The following CCDC3 variants were observed in gnomAD, a reference collection of about 807,000 sequenced individuals.
CCDC3 encodes coiled-coil domain containing 3.
Under a neutral mutation model 21.4 loss-of-function variants are expected in CCDC3, and 24 were observed. The ratio of observed to expected loss-of-function variants is 1.12; its 90% CI spans 0.81 to 1.58. The LOEUF (loss-of-function observed/expected upper bound fraction) is 1.58. CCDC3 is among the 40% of genes most tolerant of loss of function. The pLI is 0.00. For missense variants in CCDC3, 425 were observed against 360.9 expected (o/e 1.18, Z -1.44); for synonymous variants, 186 against 166.0 (o/e 1.12, Z -0.93).
At chr10:12,948,988 C>T (rs1376737591) in intron 2 of CCDC3, among the ~76,000 whole-genome samples, 2 of 152,038 alleles carry the variant, frequency 1.3e-5, no homozygotes, top group African/African-American at 4.8e-5. Context: ...GCCTCGGCCT[C>T]CCAAAGTGCT....
At chr10:12,917,136 C>T (rs535293025) in intron 2 of CCDC3, among the ~76,000 whole-genome samples, 23 of 148,892 alleles carry the variant, frequency 1.5e-4, no homozygotes, top group South Asian at 1.5e-3. Context: ...CTGTGCTGCC[C>T]GGGGTTGGGG....
intron 4 of CCDC3, among the ~76,000 whole-genome samples, chr10:13,051,452 G>A (rs985091723): frequency 1.3e-5 from 2 of 152,198 alleles, no homozygotes; most frequent in African/African-American, 4.8e-5. Context: ...CATTTCTAAA[G>A]TGTCATTCAC....
chr10:12,935,591 A>G (rs559464897), intron 2 of CCDC3, among the ~76,000 whole-genome samples: 3 of 151,896 alleles, frequency 2.0e-5, no homozygotes, highest in Non-Finnish European at 4.4e-5. Context: ...CTTTCTTAGC[A>G]TATCAATTAT....
intron 5 of CCDC3, among the ~76,000 whole-genome samples, chr10:13,012,221 C>T (rs1311059870): frequency 6.6e-6 from 1 of 152,050 alleles, no homozygotes; most frequent in Non-Finnish European, 1.5e-5. Context: ...AGAGCTTCTG[C>T]AAAGCAAAAG....
intron 5 of CCDC3, among the ~76,000 whole-genome samples, chr10:13,040,707 A>T (rs1003653423): frequency 6.6e-6 from 1 of 151,740 alleles, no homozygotes; most frequent in Non-Finnish European, 1.5e-5. Flanking sequence ...ACACACACAC[A>T]CACACACACA....
intron 2 of CCDC3, among the ~76,000 whole-genome samples, chr10:12,931,355 A>G (rs1367512385): frequency 1.3e-5 from 2 of 152,166 alleles, no homozygotes; most frequent in African/African-American, 4.8e-5. Context: ...GATGGGGTGG[A>G]ATGGGATTCA....
At chr10:12,986,043 C>T (rs112384666) in intron 2 of CCDC3, among the ~76,000 whole-genome samples, 2,320 of 152,192 alleles carry the variant, frequency 0.015, 63 homozygotes, top group African/African-American at 0.053. Flanking sequence ...GCCCAGTTAA[C>T]TTTTTTTGTA....
chr10:13,026,956 C>G (rs991269434), intron 5 of CCDC3, among the ~76,000 whole-genome samples: 7 of 152,156 alleles, frequency 4.6e-5, no homozygotes, highest in African/African-American at 1.7e-4. Context: ...TTTACCAGAT[C>G]TGAAATTTCC....
chr10:13,081,646 G>A (rs1354575740), intron 3 of CCDC3, among the ~76,000 whole-genome samples: 1 of 152,050 alleles, frequency 6.6e-6, no homozygotes, highest in Non-Finnish European at 1.5e-5. Flanking sequence ...CTCACCTCAA[G>A]TTACTACTTT....
intron 2 of CCDC3, among the ~76,000 whole-genome samples, chr10:12,900,242 G>C (rs905395364): frequency 6.6e-6 from 1 of 152,070 alleles, no homozygotes; most frequent in Non-Finnish European, 1.5e-5. Context: ...AATAAGGCTG[G>C]CATTTCCTTT....
chr10:13,013,422 A>G (rs2131400012), intron 5 of CCDC3, among the ~76,000 whole-genome samples: 1 of 152,388 alleles, frequency 6.6e-6, no homozygotes, highest in South Asian at 2.1e-4. Flanking sequence ...GTTTAAATTA[A>G]TAATGAATTA....
At chr10:13,081,800 C>A (rs1467945768) in intron 3 of CCDC3, among the ~76,000 whole-genome samples, 1 of 152,204 alleles carries the variant, frequency 6.6e-6, no homozygotes, top group Non-Finnish European at 1.5e-5. Context: ...ATTAAATATT[C>A]CATCTGCACT....
chr10:12,975,943 T>C (rs901809399), intron 2 of CCDC3, among the ~76,000 whole-genome samples: 1 of 152,220 alleles, frequency 6.6e-6, no homozygotes, highest in African/African-American at 2.4e-5. Flanking sequence ...CACACTCTTC[T>C]ACACTGCATT....
rs1588404343 is a variant in CCDC3, at chr10:13,046,490, G to A, written c.-2+3184C>T. 2.0e-5 allele frequency among the ~76,000 whole-genome samples: 3 copies of A among 151,832 alleles called. No individual in the cohort carries two copies. The South Asian group carries it at 6.2e-4, about 32-fold the overall frequency. ...GGGAGGCCGAGGTGGATCACCTGAT[G>A]TCAGGAGTTCAAGACCAGCCTGGCC... On this transcript the variant is annotated intron_variant, in intron 5 of 6. Coordinates refer to the CCDC3 transcript ENST00000378839.
intron 5 of CCDC3, among the ~76,000 whole-genome samples, chr10:13,023,332 C>G (rs1836172391): frequency 6.6e-6 from 1 of 150,764 alleles, no homozygotes; most frequent in Non-Finnish European, 1.5e-5. Context: ...AGTCTGGATG[C>G]TGGAATGACA....
chr10:12,979,212 G>C (rs1835461072), intron 2 of CCDC3, among the ~76,000 whole-genome samples: 1 of 152,064 alleles, frequency 6.6e-6, no homozygotes, highest in African/African-American at 2.4e-5. Flanking sequence ...CACAGGACAA[G>C]GGCAAGACCA....
At chr10:13,002,694 A>G (rs113691419), upstream of CCDC3, among the ~76,000 whole-genome samples, 3 of 152,212 alleles carry the variant, frequency 2.0e-5, no homozygotes, top group African/African-American at 7.2e-5. Context: ...TATTTAAATT[A>G]TGCAATTTCA....
chr10:12,925,446 A>T (rs1834521084), intron 2 of CCDC3, among the ~76,000 whole-genome samples: 1 of 152,216 alleles, frequency 6.6e-6, no homozygotes. Flanking sequence ...CCCTCTAAGT[A>T]ACCTCTCCCC....
chr10:13,086,550 G>A (rs1050698004), intron 3 of CCDC3, among the ~76,000 whole-genome samples: 9 of 152,032 alleles, frequency 5.9e-5, no homozygotes, highest in Non-Finnish European at 1.0e-4. Context: ...TCCGCCTCCC[G>A]GTTCTCCTGC....
Sources: gnomAD v4.1 joint callset for allele counts (sites outside exome capture counted in the v4.1 genomes callset) on GRCh38, gnomAD v4.1.1 for gene constraint, MANE v1.5 for transcripts, NCBI Gene and HGNC (gene_info 2026-07-23, HGNC 2026-07-21) for gene names.